The following GLT8D2 variants were observed in gnomAD, a reference collection of about 807,000 sequenced individuals.
GLT8D2 encodes glycosyltransferase 8 domain-containing protein 2.
In GLT8D2, 45 loss-of-function variants were observed where a neutral mutation model predicts 44.5. The ratio of observed to expected loss-of-function variants is 1.01; its 90% CI spans 0.80 to 1.30. GLT8D2 has a LOEUF of 1.30. Among genes scored for constraint, GLT8D2 ranks in the 50% most tolerant of loss-of-function variants. GLT8D2 has a pLI of 0.00. For synonymous variants in GLT8D2, 156 were observed against 157.2 expected, an observed-to-expected ratio of 0.99 and a Z score of 0.06; for missense variants, 400 against 430.4, an observed-to-expected ratio of 0.93 and a Z score of 0.62.
chr12:104,034,517 C>A (rs1023223670), intron 1 of GLT8D2, among the ~76,000 whole-genome samples: 1 of 152,268 alleles, frequency 6.6e-6, no homozygotes, highest in Non-Finnish European at 1.5e-5. Flanking sequence ...GGGGCCCATG[C>A]CCATGGAGCC....
At chr12:104,033,786 GTATA>G (rs1434860144) in intron 1 of GLT8D2, among the ~76,000 whole-genome samples, 8 of 130,376 alleles carry the variant, frequency 6.1e-5, no homozygotes, top group Non-Finnish European at 9.5e-5. Context: ...GTGTGTGTGT[GTATA>G]TATGTGTGTG....
chr12:104,019,502 G>C, intron 3 of GLT8D2, 128 bp downstream of exon 3: 1 of 719,480 alleles, frequency 1.4e-6, no homozygotes, highest in South Asian at 1.8e-5. Context: ...GCCAAAAAGT[G>C]CCTGTGGGAA....
intron 4 of GLT8D2, chr12:104,012,808 C>A: frequency 1.4e-6 from 1 of 699,116 alleles, no homozygotes; most frequent in Non-Finnish European, 2.6e-6. Context: ...TAGGCCTTAT[C>A]CCAGTAAGAC....
At position 103,989,271 on chromosome 12, in the gene GLT8D2, G is replaced by T; in HGVS notation, c.*137C>A. On this transcript the variant is annotated 3_prime_UTR_variant, in exon 11 of 11. Transcript: ENST00000360814. Reference sequence around the variant, plus strand: ...GCCTATATGGTCCAAGGTATAATTTGCACACAGTAGTTTTTGGTTTTTATA... The same window carrying T: ...GCCTATATGGTCCAAGGTATAATTTTCACACAGTAGTTTTTGGTTTTTATA... 1.6e-6 allele frequency: 1 copy of T among 633,904 alleles called. No homozygotes were observed. Among genetic ancestry groups the T allele is most frequent in the Non-Finnish European group, 2.6e-6 (1 of 380,926 alleles). The allele number at this position is 633,904 out of a possible 1,614,324, so 39.3% of individuals were successfully genotyped here.
intron 1 of GLT8D2, among the ~76,000 whole-genome samples, chr12:104,063,317 T>G (rs1882846085): frequency 6.6e-6 from 1 of 152,224 alleles, no homozygotes; most frequent in Non-Finnish European, 1.5e-5. Context: ...CCATATGCAG[T>G]GCAGTTTTAT....
chr12:104,045,877 A>G (rs973967253), intron 1 of GLT8D2, among the ~76,000 whole-genome samples: 13 of 143,936 alleles, frequency 9.0e-5, no homozygotes, highest in Middle Eastern at 3.5e-3. Flanking sequence ...GTTAAAAAAG[A>G]AAAGAAAAGA....
chr12:104,056,448 T>C (rs934404719), intron 1 of GLT8D2, among the ~76,000 whole-genome samples: 1 of 152,200 alleles, frequency 6.6e-6, no homozygotes. Context: ...AGCACCAGAT[T>C]CTCACTCTAG....
intron 4 of GLT8D2, among the ~76,000 whole-genome samples, chr12:104,011,355 C>A (rs1875802740): frequency 6.6e-6 from 1 of 152,220 alleles, no homozygotes. Context: ...CAGAATGGAA[C>A]AGAAATGATA....
chr12:104,034,414 G>T (rs1879701875), intron 1 of GLT8D2, among the ~76,000 whole-genome samples: 1 of 152,228 alleles, frequency 6.6e-6, no homozygotes, highest in Non-Finnish European at 1.5e-5. Context: ...GACTTTACCT[G>T]GAAAAACGGG....
chr12:104,027,958 T>C (rs943006274), intron 1 of GLT8D2, among the ~76,000 whole-genome samples: 2 of 152,178 alleles, frequency 1.3e-5, no homozygotes, highest in African/African-American at 2.4e-5. Flanking sequence ...TCACAGGCAA[T>C]GCTGGTCAGC....
intron 1 of GLT8D2, among the ~76,000 whole-genome samples, chr12:104,045,945 G>T (rs1485673846): frequency 1.4e-5 from 2 of 142,734 alleles, no homozygotes; most frequent in Non-Finnish European, 3.1e-5. Flanking sequence ...GAAAAAGAAA[G>T]AAAGAAAGAA....
intron 1 of GLT8D2, among the ~76,000 whole-genome samples, chr12:104,028,082 A>G (rs995050331): frequency 1.3e-5 from 2 of 152,212 alleles, no homozygotes; most frequent in Admixed American, 6.5e-5. Context: ...GTGTGTTGCC[A>G]ACTCTGAAAT....
At chr12:104,045,918 A>AGAAAGAAG (rs1555281885) in intron 1 of GLT8D2, among the ~76,000 whole-genome samples, 50 of 145,932 alleles carry the variant, frequency 3.4e-4, no homozygotes, top group African/African-American at 1.1e-3. Flanking sequence ...AAAGAAAGAA[A>AGAAAGAAG]GAAAGAAAGA....
intron 1 of GLT8D2, among the ~76,000 whole-genome samples, chr12:104,040,378 A>C (rs575903039): frequency 1.3e-5 from 2 of 152,208 alleles, no homozygotes; most frequent in South Asian, 2.1e-4. Context: ...CAAATGAGTC[A>C]GATTAACTAT....
chr12:104,023,302 A>AT (rs1178856351), intron 1 of GLT8D2, among the ~76,000 whole-genome samples: 1 of 152,316 alleles, frequency 6.6e-6, no homozygotes, highest in East Asian at 1.9e-4. Context: ...ATAAAATAAA[A>AT]TTTTAAAAAA....
intron 1 of GLT8D2, among the ~76,000 whole-genome samples, chr12:104,034,280 G>A (rs567558607): frequency 6.6e-5 from 10 of 152,220 alleles, no homozygotes; most frequent in Non-Finnish European, 1.5e-4. Context: ...TCATCTCATT[G>A]GGACTGGTTG....
intron 1 of GLT8D2, among the ~76,000 whole-genome samples, chr12:104,056,711 A>C (rs186164804): frequency 2.2e-4 from 34 of 152,342 alleles, no homozygotes; most frequent in African/African-American, 7.9e-4. Context: ...TATTCACTGT[A>C]AGTAATTGCA....
intron 1 of GLT8D2, among the ~76,000 whole-genome samples, chr12:104,044,914 A>G (rs1174271706): frequency 1.3e-5 from 2 of 152,264 alleles, no homozygotes; most frequent in Non-Finnish European, 2.9e-5. Flanking sequence ...ACATGTTGAC[A>G]TATTTACTTA....
At chr12:104,007,589 C>A (rs1236164262) in intron 4 of GLT8D2, among the ~76,000 whole-genome samples, 3 of 152,170 alleles carry the variant, frequency 2.0e-5, no homozygotes, top group Non-Finnish European at 2.9e-5. Context: ...ATACAAAATT[C>A]TCTCTAGTAT....
Sources: allele counts gnomAD v4.1 joint callset (sites outside exome capture counted in the v4.1 genomes callset), GRCh38; gene constraint gnomAD v4.1.1; transcripts MANE v1.5; gene names NCBI Gene and HGNC (gene_info 2026-07-23, HGNC 2026-07-21).